The following RERE variants were observed in gnomAD, a reference collection of about 807,000 sequenced individuals.
RERE encodes the protein arginine-glutamic acid dipeptide repeats.
In RERE, 40 loss-of-function variants were observed where a neutral mutation model predicts 146.1. The ratio of observed to expected loss-of-function variants is 0.27; its 90% CI spans 0.21 to 0.36. The LOEUF (loss-of-function observed/expected upper bound fraction) is 0.36, where lower values mean the gene tolerates loss of function less well. Among genes scored for constraint, RERE ranks in the 10% least tolerant of loss-of-function variants. The pLI is 1.00. For synonymous variants in RERE, 1,003 were observed against 866.0 expected (o/e 1.16, Z -2.78); for missense variants, 1,933 against 2,138.7 (o/e 0.90, Z 1.90).
At chr1:8,712,523 T>TA (rs369770839) in intron 1 of RERE, among the ~76,000 whole-genome samples, 3 of 152,220 alleles carry the variant, frequency 2.0e-5, no homozygotes, top group African/African-American at 7.2e-5. Context: ...TTCATTCTCT[T>TA]AAGTGAAAGG....
chr1:8,479,209 C>A (rs2399144), intron 10 of RERE, among the ~76,000 whole-genome samples: 129,664 of 152,114 alleles, frequency 0.85, 55,652 homozygotes, highest in East Asian at 0.95. Flanking sequence ...ACACAGTGAG[C>A]CCCTGTCTCT....
chr1:8,701,811 C>T (rs548393368), intron 1 of RERE, among the ~76,000 whole-genome samples: 7 of 152,166 alleles, frequency 4.6e-5, no homozygotes, highest in African/African-American at 1.7e-4. Flanking sequence ...AAAATACAAG[C>T]TCAACTCTGC....
At chr1:8,701,691 C>T (rs1197780848) in intron 1 of RERE, among the ~76,000 whole-genome samples, 12 of 152,150 alleles carry the variant, frequency 7.9e-5, no homozygotes, top group Non-Finnish European at 1.2e-4. Context: ...CAGCGCCTGC[C>T]GGAGTACAAT....
At chr1:8,484,193 GCACTCAAAGGT>G in intron 10 of RERE, among the ~76,000 whole-genome samples, 1 of 152,080 alleles carries the variant, frequency 6.6e-6, no homozygotes, top group Non-Finnish European at 1.5e-5. Flanking sequence ...ATAAATGTAA[GCACTCAAAGGT>G]GGCTAAATTA....
chr1:8,539,994 A>C (rs1049041871), intron 7 of RERE, among the ~76,000 whole-genome samples: 2 of 152,216 alleles, frequency 1.3e-5, no homozygotes, highest in Non-Finnish European at 2.9e-5. Flanking sequence ...CTCTAGAAAA[A>C]TGTTCTCAAT....
chr1:8,771,586 T>TTTATAATTATAAATTATAAATTTATAA (rs1553147493), intron 1 of RERE, among the ~76,000 whole-genome samples: 2 of 150,560 alleles, frequency 1.3e-5, no homozygotes, highest in Non-Finnish European at 3.0e-5. Context: ...TTATGTAAAG[T>TTTATAATTATAAATTATAAATTTATAA]TTATAATTAG....
At chr1:8,728,632 C>A (rs1421467175) in intron 1 of RERE, among the ~76,000 whole-genome samples, 3 of 152,172 alleles carry the variant, frequency 2.0e-5, no homozygotes, top group South Asian at 2.1e-4. Context: ...TTTCTCTAGG[C>A]ACCTGTGGTA....
intron 1 of RERE, among the ~76,000 whole-genome samples, chr1:8,795,240 G>A (rs1380273351): frequency 6.6e-6 from 1 of 151,884 alleles, no homozygotes; most frequent in Non-Finnish European, 1.5e-5. Flanking sequence ...TGGCCAGGCT[G>A]GTCTCGAACT....
intron 1 of RERE, among the ~76,000 whole-genome samples, chr1:8,734,530 G>C (rs900213968): frequency 6.6e-6 from 1 of 152,224 alleles, no homozygotes; most frequent in South Asian, 2.1e-4. Flanking sequence ...GCAGCACAAG[G>C]GGTGCACACA....
At chr1:8,587,796 A>C (rs1469352423) in intron 4 of RERE, among the ~76,000 whole-genome samples, 2 of 152,138 alleles carry the variant, frequency 1.3e-5, no homozygotes, top group Non-Finnish European at 2.9e-5. Context: ...TCTTTGTCTA[A>C]AAAGTTTTTC....
At chr1:8,424,346 G>C (rs1233100912) in intron 11 of RERE, 2 of 152,282 alleles carry the variant, frequency 1.3e-5, no homozygotes, top group Non-Finnish European at 2.9e-5. Context: ...CTGTGTTTGA[G>C]ACCCGCCAGG....
chr1:8,557,558 A>G, intron 4 of RERE, 35 bp from the exon 5 acceptor site: 1 of 1,434,204 alleles, frequency 7.0e-7, no homozygotes. Flanking sequence ...TAGGAACAGG[A>G]TTTCAGGTGG....
At chr1:8,487,831 G>A (rs1332948552) in intron 10 of RERE, among the ~76,000 whole-genome samples, 4 of 152,112 alleles carry the variant, frequency 2.6e-5, no homozygotes, top group South Asian at 2.1e-4. Context: ...CTATGCTATC[G>A]AAGACCATTT....
At chr1:8,426,022 A>G (rs1644006577) in intron 11 of RERE, among the ~76,000 whole-genome samples, 1 of 152,122 alleles carries the variant, frequency 6.6e-6, no homozygotes. Flanking sequence ...AGCCCCCTCA[A>G]ATCCTCAGAG....
chr1:8,779,372 C>A (rs1434587733), intron 1 of RERE, among the ~76,000 whole-genome samples: 6 of 150,336 alleles, frequency 4.0e-5, no homozygotes, highest in African/African-American at 1.5e-4. Flanking sequence ...ACTAAAAATA[C>A]AAAAATTAGG....
intron 10 of RERE, among the ~76,000 whole-genome samples, chr1:8,483,798 T>C (rs888822538): frequency 2.6e-5 from 4 of 152,132 alleles, no homozygotes; most frequent in African/African-American, 9.7e-5. Context: ...CATAAATAAA[T>C]AAGCAAACAA....
Position 8,423,736 on chromosome 1 carries a change from G to A in RERE, c.1204-929C>T, listed in dbSNP as rs1643954894. On this transcript the variant is annotated intron_variant, in intron 11 of 22. Coordinates refer to ENST00000400908, the MANE Select transcript of RERE (RefSeq NM_001042681.2). This position sits in a 1 kb window ranked among gnomAD's most constrained non-coding sequence, Gnocchi z 5.4. ...ACCGCGGCGGGGCCGCGCGGCGCGG[G>A]GCCCGGGGGGCGCGGGGCTGGGGCC... 5 of 973,646 alleles carry A rather than the reference G, an allele frequency of 5.1e-6. No individual in the cohort carries two copies. The South Asian group carries it at 1.9e-4, about 37-fold the overall frequency. The allele number at this position is 973,646 out of a possible 1,614,324, so 60.3% of individuals were successfully genotyped here. A position where few individuals can be genotyped will look rare whatever the true frequency, so the allele number is the denominator to read the frequency against.
chr1:8,360,173 T>G lies in RERE; in HGVS notation c.3334A>C (p.Arg1112=), dbSNP rs769756217. Residue 1112 remains arginine, a synonymous_variant, in exon 18 of 23, where the codon AGG becomes CGG. Coordinates refer to ENST00000400908, the MANE Select transcript of RERE (RefSeq NM_001042681.2). The part of the protein sequence containing the change: ...EEPESPPPPP[R]SPSPEPTVVD... The stretch of plus-strand genomic sequence containing the variant: ...ACAGTGGGCTCCGGGGACGGGCTCC[T>G]TGGTGGGGGAGGGGGGCTCTCAGGC... The G allele has an allele frequency of 6.3e-7, 1 of 1,599,640 alleles. No homozygotes were observed. The highest frequency in any genetic ancestry group is 1.1e-5 in the South Asian group (1 of 89,174).
At chr1:8,403,275 CTT>C (rs1404276074) in intron 12 of RERE, among the ~76,000 whole-genome samples, 3 of 152,072 alleles carry the variant, frequency 2.0e-5, no homozygotes, top group African/African-American at 4.8e-5. Flanking sequence ...TTTGTTGTCT[CTT>C]TTGAAATTTC....
Sources: gnomAD v4.1 joint callset for allele counts (sites outside exome capture counted in the v4.1 genomes callset) on GRCh38, gnomAD v4.1.1 for gene constraint, Gnocchi (gnomAD v3.1) non-coding constraint, MANE v1.5 for transcripts, NCBI Gene and HGNC (gene_info 2026-07-23, HGNC 2026-07-21) for gene names.